POLQ: variants seen among roughly 807,000 people sequenced by gnomAD.
POLQ encodes the protein DNA polymerase theta.
A neutral mutation model predicts 259.2 loss-of-function variants in POLQ; 233 were observed. That is an observed-to-expected ratio of 0.90 (90% CI 0.81 to 1.00). The LOEUF (loss-of-function observed/expected upper bound fraction) is 1.00. POLQ is among the 50% of genes least tolerant of loss of function. The pLI is 0.00. For missense variants in POLQ, 2,871 were observed against 3,051.6 expected, an observed-to-expected ratio of 0.94 and a Z score of 1.39; for synonymous variants, 1,025 against 1,048.8, an observed-to-expected ratio of 0.98 and a Z score of 0.44.
chr3:121,538,312 A>G (rs1382831831), intron 4 of POLQ, among the ~76,000 whole-genome samples: 1 of 152,144 alleles, frequency 6.6e-6, no homozygotes, highest in Non-Finnish European at 1.5e-5. Context: ...ACCAATGTAT[A>G]TACTTGGAAT....
At position 121,545,984 on chromosome 3, in the gene POLQ, A is replaced by C. The variant is rs201031264; in HGVS notation, c.-107T>G. 7.5e-5 allele frequency: 101 copies of C among 1,349,448 alleles called. No homozygotes were observed. The highest frequency in any genetic ancestry group is 1.0e-4 in the Non-Finnish European group (101 of 964,142). The allele number at this position is 1,349,448 out of a possible 1,614,324, so 83.6% of individuals were successfully genotyped here. A position where few individuals can be genotyped will look rare whatever the true frequency, so the allele number is the denominator to read the frequency against. ...GCGGACATCTTCCCGCCAGTCTTCA[A>C]ACTCAAACCTCCCGGCCCGCCCCGG... On this transcript the variant is annotated 5_prime_UTR_variant, in exon 1 of 30. Coordinates refer to ENST00000264233, the MANE Select transcript of POLQ (RefSeq NM_199420.4).
chr3:121,496,105 A>G (rs11719937), intron 14 of POLQ, among the ~76,000 whole-genome samples: 19,054 of 149,226 alleles, frequency 0.13, 1,727 homozygotes, highest in East Asian at 0.49. Flanking sequence ...GATCATTTTT[A>G]TAACAGTCAG....
chr3:121,443,579 C>A (rs1048026838), intron 26 of POLQ, among the ~76,000 whole-genome samples: 1 of 152,092 alleles, frequency 6.6e-6, no homozygotes, highest in Non-Finnish European at 1.5e-5. Context: ...GTTTCCTTTG[C>A]TGTGCAGTTT....
intron 3 of POLQ, 113 bp from the exon 4 acceptor site, chr3:121,539,702 C>T (rs186276930): frequency 1.3e-6 from 1 of 760,938 alleles, no homozygotes; most frequent in Non-Finnish European, 2.2e-6. Flanking sequence ...TACCAGATTA[C>T]TGTCATCAGT....
intron 14 of POLQ, among the ~76,000 whole-genome samples, chr3:121,495,845 T>C (rs1442519890): frequency 9.6e-6 from 1 of 103,828 alleles, no homozygotes. Flanking sequence ...CAAGACTCTG[T>C]CTCAAAAAAA....
At chr3:121,443,256 C>T (rs1400065773) in intron 26 of POLQ, among the ~76,000 whole-genome samples, 1 of 152,202 alleles carries the variant, frequency 6.6e-6, no homozygotes, top group Non-Finnish European at 1.5e-5. Context: ...TCTACATCTT[C>T]GCCTGCATTT....
At chr3:121,447,446 A>G (rs770663766) in intron 26 of POLQ, among the ~76,000 whole-genome samples, 1 of 151,820 alleles carries the variant, frequency 6.6e-6, no homozygotes, top group Admixed American at 6.6e-5. Context: ...TACAGGTGTG[A>G]CCCACCGCGC....
At chr3:121,442,688 T>C (rs555269215) in intron 26 of POLQ, among the ~76,000 whole-genome samples, 1 of 152,326 alleles carries the variant, frequency 6.6e-6, no homozygotes, top group African/African-American at 2.4e-5. Context: ...TCCATTCATC[T>C]GCTGATGGAC....
rs778548057 is a variant in POLQ at position 121,488,945 on chromosome 3, TCTGA to T, written c.3982_3985del (p.Ser1328ArgfsTer3). The T allele has an allele frequency of 3.7e-6, 6 of 1,614,134 alleles. No homozygotes were observed. The highest frequency in any genetic ancestry group is 2.2e-5 in the East Asian group (1 of 44,880). Reference sequence around the variant, plus strand: ...AGTTGCCATCTGTTGTATTATTTTCTCTGACTGAGTATCCAGATAGAAACTATCT... The same window carrying T: ...AGTTGCCATCTGTTGTATTATTTTCTCTGAGTATCCAGATAGAAACTATCT... On this transcript the variant is annotated frameshift_variant, in exon 16 of 30. Transcript: ENST00000264233. LOFTEE classifies it high-confidence loss of function.
intron 26 of POLQ, among the ~76,000 whole-genome samples, chr3:121,448,683 T>A (rs2047649430): frequency 6.6e-6 from 1 of 152,110 alleles, no homozygotes; most frequent in Non-Finnish European, 1.5e-5. Flanking sequence ...CTTGCTTCAG[T>A]ACCAATACAA....
intron 25 of POLQ, among the ~76,000 whole-genome samples, chr3:121,454,925 A>G (rs564814946): frequency 5.4e-4 from 83 of 152,360 alleles, no homozygotes; most frequent in Middle Eastern, 3.4e-3. Flanking sequence ...TCAATAGAAT[A>G]TACATTTTTT....
At chr3:121,497,332 G>A (rs550766742) in intron 13 of POLQ, among the ~76,000 whole-genome samples, 67 of 152,138 alleles carry the variant, frequency 4.4e-4, no homozygotes, top group African/African-American at 1.5e-3. Flanking sequence ...AAAGGCAACG[G>A]TAGCAAAAGT....
rs1291625510 is a variant in POLQ at position 121,544,762 on chromosome 3, C to T, written c.308G>A (p.Gly103Glu). 12 of 1,613,156 alleles carry T rather than the reference C, an allele frequency of 7.4e-6. No individual in the cohort carries two copies. In the East Asian group the frequency reaches 2.7e-4, roughly 36 times the overall value. Residue 103 changes from glycine (G) to glutamate (E), a missense_variant, in exon 2 of 30, where the codon GGA becomes GAA. Gly to Glu is a moderately conservative substitution (Grantham distance 98). Coordinates refer to ENST00000264233, the MANE Select transcript of POLQ (RefSeq NM_199420.4). ...TAAATTCTTTCCTTCCAGGACTTGT[C>T]CAAGCAAAAGGCACTCTGCCTGCCA... is the stretch of plus-strand genomic sequence containing the variant. ...FEWQAECLLL[G>E]QVLEGKNLVY... is the part of the protein sequence containing the mutation.
chr3:121,500,891 G>A (rs1177828721), intron 12 of POLQ, among the ~76,000 whole-genome samples: 1 of 152,200 alleles, frequency 6.6e-6, no homozygotes, highest in Non-Finnish European at 1.5e-5. Flanking sequence ...AAGAAGGCCA[G>A]TGAGATGACA....
chr3:121,501,386 G>A (rs367740454), intron 12 of POLQ, among the ~76,000 whole-genome samples: 3 of 151,892 alleles, frequency 2.0e-5, no homozygotes, highest in African/African-American at 7.2e-5. Flanking sequence ...TAGGCCGGGC[G>A]CGGTGGCTCA....
At chr3:121,458,830 C>T (rs144177673) in intron 25 of POLQ, among the ~76,000 whole-genome samples, 1 of 152,292 alleles carries the variant, frequency 6.6e-6, no homozygotes, top group Non-Finnish European at 1.5e-5. Context: ...TTGGAAGTAT[C>T]ACTTGACGCC....
Position 121,545,689 on chromosome 3 carries a change from C to T in POLQ, c.163+26G>A, listed in dbSNP as rs778678449. On this transcript the variant is annotated intron_variant, in intron 1 of 29. Coordinates refer to ENST00000264233, the MANE Select transcript of POLQ (RefSeq NM_199420.4). The stretch of plus-strand genomic sequence containing the variant: ...GCCCGGCGGAGCTGCCCCCGTTGCC[C>T]GCGGCCTCCCGGGTTCCTGGAGCAC... The T allele has an allele frequency of 5.9e-6, 9 of 1,528,722 alleles. No individual in the cohort carries two copies. The South Asian group carries it at 7.3e-5, about 12-fold the overall frequency. The allele number at this position is 1,528,722 out of a possible 1,614,324, so 94.7% of individuals were successfully genotyped here.
At position 121,467,582 on chromosome 3, in the gene POLQ, T is replaced by C. The variant is rs2047848836; in HGVS notation, c.6904A>G (p.Arg2302Gly). 6 of 1,613,862 alleles carry C rather than the reference T, an allele frequency of 3.7e-6. No individual in the cohort carries two copies. The highest frequency in any genetic ancestry group is 4.2e-6 in the Non-Finnish European group (5 of 1,179,734). Residue 2302 changes from arginine to glycine, a missense_variant, in exon 24 of 30, where the codon AGA becomes GGA. Transcript: ENST00000264233. ...NPRCQAQMEE[R>G]AADRGMPFSI... ...AATGGCATTCCTCTGTCTGCAGCTCTCTCCTCCATCTGTGCCTGGCATCTA... is the reference window on the plus strand; with the variant it reads ...AATGGCATTCCTCTGTCTGCAGCTCCCTCCTCCATCTGTGCCTGGCATCTA...
rs1295274731 is a variant in POLQ, at chr3:121,492,238, T to C, written c.2522+1240A>G. On this transcript the variant is annotated intron_variant, in intron 15 of 29. Transcript: ENST00000264233. ...CTTCCATCTAAAACAAATTGTTTAA[T>C]ACCTGAAAATAAAACTGGTTGTTAG... Among the ~76,000 whole-genome samples, 3 of 152,314 alleles carry C rather than the reference T, an allele frequency of 2.0e-5. No individual in the cohort carries two copies. The East Asian group carries it at 5.8e-4, about 29-fold the overall frequency.
Sources: gnomAD v4.1 joint callset for allele counts (sites outside exome capture counted in the v4.1 genomes callset) on GRCh38, gnomAD v4.1.1 for gene constraint, MANE v1.5 for transcripts, NCBI Gene and HGNC (gene_info 2026-07-23, HGNC 2026-07-21) for gene names.